Variants in EYS observed in about 807,000 individuals in gnomAD.
The protein encoded by EYS is protein eyes shut homolog.
A neutral mutation model predicts 282.1 loss-of-function variants in EYS; 250 were observed. The observed-to-expected ratio is 0.89, with a 90% confidence interval of 0.80 to 0.98. The LOEUF (loss-of-function observed/expected upper bound fraction) is 0.98, where lower values mean the gene tolerates loss of function less well. Among genes scored for constraint, EYS ranks in the 50% least tolerant of loss-of-function variants. The pLI is 0.00. For missense variants in EYS, 4,016 were observed against 3,709.0 expected, an observed-to-expected ratio of 1.08 and a Z score of -2.15; for synonymous variants, 1,355 against 1,282.9, an observed-to-expected ratio of 1.06 and a Z score of -1.20.
rs1042262252 is a variant in EYS, at chr6:64,107,081, G to A, written c.6425-25079C>T. Among the ~76,000 whole-genome samples, 4 of 150,100 alleles carry A rather than the reference G, an allele frequency of 2.7e-5. No homozygotes were observed. In the South Asian group the frequency reaches 6.3e-4, roughly 24 times the overall value. On this transcript the variant is annotated intron_variant, in intron 31 of 42. Coordinates refer to ENST00000503581, the MANE Select transcript of EYS (RefSeq NM_001142800.2). ...CTACTATCTGTTCTTGCAAATTGTC[G>A]ACTTTTTCCACTGAAGCCTTCAGCA... is the stretch of plus-strand genomic sequence containing the variant.
At chr6:64,906,744 T>C (rs1486466186) in intron 16 of EYS, among the ~76,000 whole-genome samples, 1 of 152,182 alleles carries the variant, frequency 6.6e-6, no homozygotes, top group Non-Finnish European at 1.5e-5. Flanking sequence ...TCCTTTCACC[T>C]TGAAGACATA....
intron 14 of EYS, among the ~76,000 whole-genome samples, chr6:64,958,234 T>C (rs1360246399): frequency 1.3e-5 from 2 of 152,142 alleles, no homozygotes; most frequent in African/African-American, 4.8e-5. Context: ...CATCAAATTT[T>C]GGCTGGGTGC....
At chr6:64,999,048 T>TA (rs1771369529) in intron 13 of EYS, among the ~76,000 whole-genome samples, 1 of 152,076 alleles carries the variant, frequency 6.6e-6, no homozygotes, top group African/African-American at 2.4e-5. Flanking sequence ...AACAGATTGT[T>TA]AAAAAAATAA....
At chr6:63,844,097 C>A (rs774919156) in intron 36 of EYS, among the ~76,000 whole-genome samples, 2 of 152,110 alleles carry the variant, frequency 1.3e-5, no homozygotes, top group Non-Finnish European at 2.9e-5. Flanking sequence ...TAAATGAGAA[C>A]ATGGGGTGTT....
chr6:65,506,629 C>T (rs925659724), intron 2 of EYS, among the ~76,000 whole-genome samples: 1 of 148,012 alleles, frequency 6.8e-6, no homozygotes, highest in Admixed American at 6.9e-5. Flanking sequence ...CAGCACATGT[C>T]ACCAGACCAG....
intron 22 of EYS, among the ~76,000 whole-genome samples, chr6:64,678,219 C>T (rs986650617): frequency 6.6e-6 from 1 of 151,682 alleles, no homozygotes; most frequent in Admixed American, 6.6e-5. Context: ...ATATATTGTA[C>T]TTACTTACTA....
chr6:65,000,755 A>G (rs1771436736), intron 13 of EYS, among the ~76,000 whole-genome samples: 2 of 152,202 alleles, frequency 1.3e-5, no homozygotes, highest in African/African-American at 2.4e-5. Context: ...TCCACACTGG[A>G]AGACAGAGCA....
At chr6:64,897,318 G>T (rs13218531) in intron 18 of EYS, among the ~76,000 whole-genome samples, 1,674 of 152,236 alleles carry the variant, frequency 0.011, 16 homozygotes, top group Non-Finnish European at 0.017. Context: ...AACAGGGTCC[G>T]CAGTGGACCT....
intron 41 of EYS, among the ~76,000 whole-genome samples, chr6:63,735,563 A>G (rs1768889910): frequency 6.6e-6 from 1 of 152,000 alleles, no homozygotes; most frequent in Non-Finnish European, 1.5e-5. Context: ...AACAAGCTAA[A>G]GATGCAGTGT....
At chr6:64,507,090 G>A (rs1777234932) in intron 26 of EYS, among the ~76,000 whole-genome samples, 2 of 149,620 alleles carry the variant, frequency 1.3e-5, no homozygotes, top group African/African-American at 4.9e-5. Flanking sequence ...AAACATTTTT[G>A]TGGTAACATG....
chr6:64,153,250 A>T (rs1774801421), intron 31 of EYS, among the ~76,000 whole-genome samples: 1 of 152,180 alleles, frequency 6.6e-6, no homozygotes, highest in Admixed American at 6.5e-5. Context: ...GAAAAAAATG[A>T]GGATTTGAAC....
At chr6:63,853,936 GAAAACT>G (rs951349146) in intron 36 of EYS, among the ~76,000 whole-genome samples, 1 of 152,050 alleles carries the variant, frequency 6.6e-6, no homozygotes, top group African/African-American at 2.4e-5. Context: ...GTCATATGCA[GAAAACT>G]GAAACTGAAA....
intron 31 of EYS, among the ~76,000 whole-genome samples, chr6:64,145,497 CTTTA>C (rs542397556): frequency 1.3e-5 from 2 of 152,100 alleles, no homozygotes; most frequent in African/African-American, 2.4e-5. Flanking sequence ...TCTTAAAATC[CTTTA>C]TTTGTCAAAT....
chr6:64,772,776 T>G (rs2149987272), intron 22 of EYS, among the ~76,000 whole-genome samples: 1 of 152,000 alleles, frequency 6.6e-6, no homozygotes, highest in African/African-American at 2.4e-5. Flanking sequence ...TGTCTTTCTT[T>G]GCCTGGGTTA....
At chr6:65,121,520 G>GA (rs1491067638) in intron 12 of EYS, among the ~76,000 whole-genome samples, 2 of 106,232 alleles carry the variant, frequency 1.9e-5, no homozygotes, top group East Asian at 2.4e-4. Context: ...GGAAATTTGT[G>GA]AAAAAACATG....
At chr6:64,546,581 G>A (rs1326454012) in intron 26 of EYS, among the ~76,000 whole-genome samples, 1 of 152,150 alleles carries the variant, frequency 6.6e-6, no homozygotes, top group Non-Finnish European at 1.5e-5. Flanking sequence ...AGAATGAACA[G>A]GCAACCTACA....
At chr6:65,004,494 T>G (rs1771574625) in intron 13 of EYS, among the ~76,000 whole-genome samples, 1 of 147,728 alleles carries the variant, frequency 6.8e-6, no homozygotes, top group Non-Finnish European at 1.5e-5. Context: ...GGGCTGGAAC[T>G]GCACTCATTG....
At chr6:65,006,727 G>A (rs1771676962) in intron 13 of EYS, among the ~76,000 whole-genome samples, 1 of 152,178 alleles carries the variant, frequency 6.6e-6, no homozygotes, top group Admixed American at 6.5e-5. Flanking sequence ...TTCCTCCCAG[G>A]TGATTGAGGA....
At chr6:64,314,174 T>C (rs1246626457) in intron 29 of EYS, among the ~76,000 whole-genome samples, 1 of 80,498 alleles carries the variant, frequency 1.2e-5, no homozygotes, top group Non-Finnish European at 2.4e-5. Flanking sequence ...TGTGGGAAGA[T>C]TTACTAAACA....
Sources: gnomAD v4.1 joint callset for allele counts (sites outside exome capture counted in the v4.1 genomes callset) on GRCh38, gnomAD v4.1.1 for gene constraint, MANE v1.5 for transcripts, NCBI Gene and HGNC (gene_info 2026-07-23, HGNC 2026-07-21) for gene names.